BPTF: variants seen among roughly 807,000 people sequenced by gnomAD.
The protein encoded by BPTF is nucleosome-remodeling factor subunit BPTF.
BPTF carries 18 observed loss-of-function variants against 292.5 expected under a neutral mutation model. That is an observed-to-expected ratio of 0.06 (90% confidence interval 0.04 to 0.09). The LOEUF is 0.09. Among genes scored for constraint, BPTF ranks in the 10% least tolerant of loss-of-function variants. BPTF has a pLI of 1.00. For synonymous variants in BPTF, 1,225 were observed against 1,251.9 expected (o/e 0.98, Z 0.45); for missense variants, 2,726 against 3,498.7 (o/e 0.78, Z 5.57).
chr17:67,828,897 T>C (rs1238838497), intron 1 of BPTF, among the ~76,000 whole-genome samples: 2 of 152,190 alleles, frequency 1.3e-5, no homozygotes, highest in Non-Finnish European at 2.9e-5. Flanking sequence ...ATTAACTCCT[T>C]AGAGATAAGT....
At chr17:67,930,974 A>G (rs1001363774) in intron 17 of BPTF, among the ~76,000 whole-genome samples, 2 of 151,986 alleles carry the variant, frequency 1.3e-5, no homozygotes, top group Non-Finnish European at 2.9e-5. Flanking sequence ...AAAAAGTTCA[A>G]AGATTAGCTG....
rs2064681423 is a variant in BPTF, at chr17:67,934,030, G to A, written c.6259+2011G>A. ...TTGCACTCCAACGTGGGCAACAAGA[G>A]TGAAACTCCATCTCAGAAAAAAGAA... On this transcript the variant is annotated intron_variant, in intron 18 of 27. Transcript: ENST00000306378. 2.0e-5 allele frequency among the ~76,000 whole-genome samples: 3 copies of A among 151,996 alleles called. No homozygotes were observed. In the South Asian group the frequency reaches 6.2e-4, roughly 32 times the overall value.
At chr17:67,972,947 TC>T (rs1485030431) in intron 26 of BPTF, among the ~76,000 whole-genome samples, 1 of 151,174 alleles carries the variant, frequency 6.6e-6, no homozygotes, top group South Asian at 2.1e-4. Context: ...TTTTCACAGT[TC>T]TTCACATTTA....
At chr17:67,944,716 G>T (rs782241492) in intron 20 of BPTF, 14 of 307,918 alleles carry the variant, frequency 4.5e-5, no homozygotes, top group Non-Finnish European at 8.6e-5. Flanking sequence ...GGTAAATCCA[G>T]TTCATGACCT....
At chr17:67,979,582 T>C (rs1275875457) in intron 27 of BPTF, among the ~76,000 whole-genome samples, 3 of 152,072 alleles carry the variant, frequency 2.0e-5, no homozygotes, top group African/African-American at 7.2e-5. Context: ...TTTCGACTTT[T>C]AGAATCACCC....
In BPTF at chr17:67,945,477, C is replaced by T; in HGVS notation, c.6769C>T (p.Pro2257Ser). The T allele has an allele frequency of 1.9e-6, 3 of 1,614,156 alleles. 1 individual carries two copies. In the South Asian group the frequency reaches 3.3e-5, roughly 18 times the overall value. Residue 2257 changes from proline (P) to serine (S), a missense_variant, in exon 21 of 28, where the codon CCA becomes TCA. By Grantham distance (74) the Pro-to-Ser change is moderately conservative (BLOSUM62 -1). Transcript: ENST00000306378. Reference sequence around the variant, plus strand: ...GGTACATCAAGACAAAACCCTGCCACCAGCTCAGTCATCAAGTGTGGGTCC... The same window carrying T: ...GGTACATCAAGACAAAACCCTGCCATCAGCTCAGTCATCAAGTGTGGGTCC... ...MQVHQDKTLP[P>S]AQSSSVGPAE... is the part of the protein sequence containing the mutation.
intron 4 of BPTF, chr17:67,875,777 TG>T: frequency 2.8e-6 from 4 of 1,449,996 alleles, no homozygotes; most frequent in South Asian, 1.6e-5. Flanking sequence ...GCCTCTGTAA[TG>T]GGGGGAATCC....
intron 11 of BPTF, among the ~76,000 whole-genome samples, chr17:67,917,131 C>CTTTTCCTTTCTT (rs1194058584): frequency 1.2e-4 from 13 of 105,808 alleles, no homozygotes; most frequent in African/African-American, 4.7e-4. Context: ...TGGTATTGTC[C>CTTTTCCTTTCTT]TTTTTTTTTT....
chr17:67,865,165 C>T (rs1478772967), intron 2 of BPTF, among the ~76,000 whole-genome samples: 1 of 152,162 alleles, frequency 6.6e-6, no homozygotes, highest in Non-Finnish European at 1.5e-5. Context: ...CTTTGAACGG[C>T]ATGTTGGCAC....
intron 16 of BPTF, chr17:67,929,122 T>TA (rs2064148937): frequency 7.5e-7 from 1 of 1,341,464 alleles, no homozygotes. Context: ...CACAAGGAGG[T>TA]AAGGGAAATG....
chr17:67,891,321 A>C (rs1216792320), intron 4 of BPTF: 1 of 152,254 alleles, frequency 6.6e-6, no homozygotes, highest in African/African-American at 2.4e-5. Flanking sequence ...TAAAAAACTA[A>C]TTTAGTTGAT....
At position 67,953,961 on chromosome 17, in the gene BPTF, CTTTTTTTTTTTTTTTTTTTTTTTT is replaced by C. The variant is rs869063412; in HGVS notation, c.7927-5562_7927-5539del. Among the ~76,000 whole-genome samples the C allele has an allele frequency of 1.8e-4, 12 of 65,644 alleles. No individual in the cohort carries two copies. In the East Asian group the frequency reaches 1.8e-3, roughly 10 times the overall value. The allele number at this position is 65,644 out of a possible 152,430, so 43.1% of individuals were successfully genotyped here. A position where few individuals can be genotyped will look rare whatever the true frequency, so the allele number is the denominator to read the frequency against. On this transcript the variant is annotated intron_variant, in intron 23 of 27. Transcript: ENST00000306378. ...ATCTTTTTTCTTTTTCTTTTCTTTTCTTTTTTTTTTTTTTTTTTTTTTTTTTTTTTTTTTTTTTTTTGAGAAGCA... is the reference window on the plus strand; with the variant it reads ...ATCTTTTTTCTTTTTCTTTTCTTTTCTTTTTTTTTTTTTTTTTGAGAAGCA...
chr17:67,847,906 A>C (rs914870778), intron 1 of BPTF, among the ~76,000 whole-genome samples: 8 of 152,198 alleles, frequency 5.3e-5, no homozygotes, highest in Non-Finnish European at 1.0e-4. Context: ...ATTTCAATGC[A>C]TCACAGGTTA....
At chr17:67,826,691 C>T (rs887315124) in intron 1 of BPTF, among the ~76,000 whole-genome samples, 5 of 151,684 alleles carry the variant, frequency 3.3e-5, no homozygotes, top group African/African-American at 1.2e-4. Context: ...CATTTTTCTC[C>T]CCTTGTTTTG....
intron 4 of BPTF, among the ~76,000 whole-genome samples, chr17:67,879,298 C>A (rs1339937528): frequency 6.6e-6 from 1 of 151,942 alleles, no homozygotes; most frequent in Non-Finnish European, 1.5e-5. Flanking sequence ...CCCACCACCA[C>A]GTCTGGCTAA....
At chr17:67,903,960 C>T in intron 8 of BPTF, 42 bp downstream of exon 8, 1 of 1,521,788 alleles carries the variant, frequency 6.6e-7, no homozygotes, top group Non-Finnish European at 8.8e-7. Context: ...TTAGCCATTT[C>T]TGAGACTTTT....
chr17:67,917,131 C>CTTTTTTTTTTT lies in BPTF; in HGVS notation c.5304-1574_5304-1564dup, dbSNP rs943348736. Among the ~76,000 whole-genome samples the CTTTTTTTTTTT allele has an allele frequency of 6.5e-3, 685 of 105,712 alleles. 52 individuals carry two copies. Among genetic ancestry groups the CTTTTTTTTTTT allele is most frequent in the Middle Eastern group, 0.011 (2 of 186 alleles). The allele number at this position is 105,712 out of a possible 152,430, so 69.4% of individuals were successfully genotyped here. The stretch of plus-strand genomic sequence containing the variant: ...GATAAGTAACTAATATGGTATTGTC[C>CTTTTTTTTTTT]TTTTTTTTTTTTTTTTTTTGAGATA... On this transcript the variant is annotated intron_variant, in intron 11 of 27. Coordinates refer to ENST00000306378, the MANE Select transcript of BPTF (RefSeq NM_182641.4).
chr17:67,898,481 T>A (rs928514336), intron 7 of BPTF, among the ~76,000 whole-genome samples: 2 of 152,134 alleles, frequency 1.3e-5, no homozygotes, highest in Non-Finnish European at 2.9e-5. Flanking sequence ...TTTACATTTT[T>A]AATTTTTTCG....
At chr17:67,919,933 CTT>C in intron 12 of BPTF, 80 bp from the exon 13 acceptor site, 1 of 1,391,826 alleles carries the variant, frequency 7.2e-7, no homozygotes, top group South Asian at 1.4e-5. Context: ...ACGTGTGTCT[CTT>C]TTTGAAAGCA....
Sources: gnomAD v4.1 joint callset for allele counts (sites outside exome capture counted in the v4.1 genomes callset) on GRCh38, gnomAD v4.1.1 for gene constraint, MANE v1.5 for transcripts, NCBI Gene and HGNC (gene_info 2026-07-23, HGNC 2026-07-21) for gene names.